Variants in TIAM1 observed in about 807,000 individuals in gnomAD.
TIAM1 encodes rho guanine nucleotide exchange factor TIAM1.
In TIAM1, 65 loss-of-function variants were observed where a neutral mutation model predicts 163.5. The observed-to-expected ratio is 0.40, with a 90% CI of 0.33 to 0.49. The LOEUF is 0.49. Among genes scored for constraint, TIAM1 ranks in the 20% least tolerant of loss-of-function variants. The pLI is 0.77. For synonymous variants in TIAM1, 833 were observed against 810.1 expected (o/e 1.03, Z -0.48); for missense variants, 1,789 against 2,044.7 (o/e 0.87, Z 2.41).
At chr21:31,180,281 C>T (rs1043071575) in intron 15 of TIAM1, among the ~76,000 whole-genome samples, 1 of 151,660 alleles carries the variant, frequency 6.6e-6, no homozygotes, top group Admixed American at 6.6e-5. Context: ...AAATTGTGAG[C>T]AATCTCAGTC....
At chr21:31,392,730 C>A (rs574601085) in intron 2 of TIAM1, among the ~76,000 whole-genome samples, 407 of 152,088 alleles carry the variant, frequency 2.7e-3, no homozygotes, top group Non-Finnish European at 5.1e-3. Context: ...GATCCCTTGG[C>A]TTGGTGCCAT....
intron 6 of TIAM1, among the ~76,000 whole-genome samples, chr21:31,228,361 T>A (rs1304449502): frequency 6.6e-6 from 1 of 150,438 alleles, no homozygotes; most frequent in East Asian, 2.0e-4. Context: ...GAAAGTAAAC[T>A]TGTACAACTG....
intron 2 of TIAM1, among the ~76,000 whole-genome samples, chr21:31,296,318 G>A (rs1250496617): frequency 6.6e-6 from 1 of 151,982 alleles, no homozygotes; most frequent in Non-Finnish European, 1.5e-5. Context: ...CACCTCAAAA[G>A]GTTTAAACTT....
intron 2 of TIAM1, among the ~76,000 whole-genome samples, chr21:31,357,425 C>A (rs1326693648): frequency 1.3e-5 from 2 of 152,268 alleles, no homozygotes; most frequent in African/African-American, 4.8e-5. Flanking sequence ...CTCTGGTGAT[C>A]TATCTGCATG....
At chr21:31,317,226 G>C (rs753445368) in intron 2 of TIAM1, among the ~76,000 whole-genome samples, 21 of 152,060 alleles carry the variant, frequency 1.4e-4, no homozygotes, top group Non-Finnish European at 2.9e-4. Flanking sequence ...AGGCCGAAGA[G>C]GGTGGATCAC....
chr21:31,505,345 A>G (rs1479381934), intron 1 of TIAM1, among the ~76,000 whole-genome samples: 1 of 152,266 alleles, frequency 6.6e-6, no homozygotes, highest in Non-Finnish European at 1.5e-5. Flanking sequence ...ACCAAGAAGT[A>G]TAAATGTTAA....
chr21:31,124,415 C>T lies in TIAM1; in HGVS notation c.4306+107G>A, dbSNP rs889977412. 3.4e-6 allele frequency: 5 copies of T among 1,466,300 alleles called. No homozygotes were observed. The African/African-American group carries it at 5.7e-5, about 17-fold the overall frequency. 90.8% of individuals were successfully genotyped at this position (1,466,300 alleles called of 1,614,324 possible). ...AAAAACCGTCCTCCTACATCAGCCC[C>T]CACCAGGCCACACCTCACCCCCACT... is the stretch of plus-strand genomic sequence containing the variant. On this transcript the variant is annotated intron_variant, in intron 27 of 27. Transcript: ENST00000541036.
At chr21:31,459,841 G>C (rs550240300) in intron 2 of TIAM1, among the ~76,000 whole-genome samples, 1 of 152,306 alleles carries the variant, frequency 6.6e-6, no homozygotes, top group South Asian at 2.1e-4. Context: ...TTGTGTTCTT[G>C]AGTGTTCTGG....
intron 19 of TIAM1, among the ~76,000 whole-genome samples, chr21:31,148,126 T>C (rs951276482): frequency 6.7e-6 from 1 of 149,320 alleles, no homozygotes; most frequent in Non-Finnish European, 1.5e-5. Context: ...CCTCCGCAAA[T>C]CTCCACCCTG....
At chr21:31,554,701 G>A (rs777495962) in intron 1 of TIAM1, among the ~76,000 whole-genome samples, 1 of 151,936 alleles carries the variant, frequency 6.6e-6, no homozygotes, top group East Asian at 1.9e-4. Flanking sequence ...TCATGCCTGC[G>A]TAGTACCCCC....
At chr21:31,239,191 C>T (rs905070552) in intron 6 of TIAM1, among the ~76,000 whole-genome samples, 48 of 152,158 alleles carry the variant, frequency 3.2e-4, no homozygotes, top group Middle Eastern at 6.8e-3. Flanking sequence ...GGTGCAACCA[C>T]GGCTCACTGC....
At chr21:31,523,562 A>AT (rs539511325) in intron 1 of TIAM1, among the ~76,000 whole-genome samples, 376 of 152,276 alleles carry the variant, frequency 2.5e-3, no homozygotes, top group Non-Finnish European at 4.2e-3. Flanking sequence ...CTGTTTACTA[A>AT]TTGTGTGACT....
At chr21:31,369,952 T>C (rs962801570) in intron 2 of TIAM1, among the ~76,000 whole-genome samples, 2 of 152,128 alleles carry the variant, frequency 1.3e-5, no homozygotes, top group African/African-American at 4.8e-5. Context: ...GCCACTGCAC[T>C]CCAGCCTGGG....
rs148779132 is a variant in TIAM1 at position 31,505,163 on chromosome 21, G to A, written c.-421-41128C>T. 4.0e-4 allele frequency among the ~76,000 whole-genome samples: 61 copies of A among 152,200 alleles called. 1 individual carries two copies. The Middle Eastern group carries it at 0.017, about 42-fold the overall frequency. The stretch of plus-strand genomic sequence containing the variant: ...ATCACAACTCAGCCACTGATTGGCC[G>A]GGCGACCACAAGGCCAAGCAAGCTA... On this transcript the variant is annotated intron_variant, in intron 1 of 28. Coordinates refer to the TIAM1 transcript ENST00000286827.
chr21:31,195,296 C>T lies in TIAM1; in HGVS notation c.2503G>A (p.Glu835Lys). ...EEDIYELLYK[E>K]IEICPKVTQS... ...GTGACTTTTGGACAGATTTCAATTT[C>T]TTTGTACAGCTGAAAGTTACAAAGG... Residue 835 changes from glutamate to lysine, a missense_variant, in exon 13 of 28, where the codon GAA becomes AAA. By Grantham distance (56) the Glu-to-Lys change is moderately conservative. This residue lies in a region of TIAM1 where 456 missense variants were observed against 586.6 expected (regional missense o/e 0.78). Transcript: ENST00000541036. 6.2e-7 allele frequency: 1 copy of T among 1,611,142 alleles called. No homozygotes were observed. Among genetic ancestry groups the T allele is most frequent in the Non-Finnish European group, 8.5e-7 (1 of 1,178,042 alleles).
chr21:31,478,394 G>A (rs1442596816), intron 1 of TIAM1, among the ~76,000 whole-genome samples: 1 of 152,094 alleles, frequency 6.6e-6, no homozygotes, highest in East Asian at 1.9e-4. Flanking sequence ...GAAACATGTA[G>A]AGTTAAAAGT....
intron 1 of TIAM1, among the ~76,000 whole-genome samples, chr21:31,485,794 G>A (rs1328508687): frequency 2.6e-5 from 4 of 152,132 alleles, no homozygotes; most frequent in African/African-American, 7.2e-5. Flanking sequence ...GCCCCCACAC[G>A]TATTAGCACA....
chr21:31,321,915 C>T (rs1274406221), intron 2 of TIAM1, among the ~76,000 whole-genome samples: 1 of 151,616 alleles, frequency 6.6e-6, no homozygotes, highest in Admixed American at 6.6e-5. Context: ...TAGCCAGGTA[C>T]GGTGGTGGGC....
rs2083147939 is a variant in TIAM1, at chr21:31,146,943, T to C, written c.3427A>G (p.Ser1143Gly). The C allele has an allele frequency of 2.5e-6, 4 of 1,614,024 alleles. No individual in the cohort carries two copies. Among genetic ancestry groups the C allele is most frequent in the Admixed American group, 1.7e-5 (1 of 59,994 alleles). Residue 1143 changes from serine (S) to glycine (G), a missense_variant, in exon 20 of 28, where the codon AGT becomes GGT. Physicochemically the swap from Ser to Gly is moderately conservative, Grantham distance 56. Coordinates refer to ENST00000541036, the MANE Select transcript of TIAM1 (RefSeq NM_001353694.2). ...LYYADRFKLY[S>G]AFCASHTKVP... ...TTTGTGTGGCTGGCGCAGAAGGCAC[T>C]GTAGAGCTTGAAGCGGTCAGCATAA...
Sources: gnomAD v4.1 joint callset for allele counts (sites outside exome capture counted in the v4.1 genomes callset) on GRCh38, gnomAD v4.1.1 for gene constraint, gnomAD v4.1.1 regional missense constraint, MANE v1.5 for transcripts, NCBI Gene and HGNC (gene_info 2026-07-23, HGNC 2026-07-21) for gene names.